The following LRP2 variants were observed in gnomAD, a reference collection of about 807,000 sequenced individuals.
The protein encoded by LRP2 is LDL receptor related protein 2.
LRP2 carries 172 observed loss-of-function variants against 531.0 expected under a neutral mutation model. The observed-to-expected ratio is 0.32, with a 90% CI of 0.29 to 0.37. LRP2 has a LOEUF of 0.37. LRP2 is among the 10% of genes least tolerant of loss of function. The pLI is 1.00. For synonymous variants in LRP2, 1,992 were observed against 2,027.6 expected (o/e 0.98, Z 0.47); for missense variants, 5,167 against 5,868.3 (o/e 0.88, Z 3.90).
In LRP2 at chr2:169,173,968, A is replaced by G. The variant is rs1687094360; in HGVS notation, c.10965T>C (p.Asp3655=). The G allele has an allele frequency of 1.2e-6, 2 of 1,614,170 alleles. No homozygotes were observed. Among genetic ancestry groups the G allele is most frequent in the Middle Eastern group, 1.6e-4 (1 of 6,062 alleles). The change falls in exon 56 of 79, where the codon GAT becomes GAC. Residue 3655 remains aspartate, a synonymous_variant. Transcript: ENST00000649046. The part of the protein sequence containing the change: ...GRCIPQAWKC[D]VDNDCGDHSD... ...AGTGGTCTCCACAATCATTATCCACATCACACTTCCAGGCCTGCGGGATGC... is the reference window on the plus strand; with the variant it reads ...AGTGGTCTCCACAATCATTATCCACGTCACACTTCCAGGCCTGCGGGATGC...
intron 63 of LRP2, among the ~76,000 whole-genome samples, chr2:169,160,221 C>G (rs949451147): frequency 6.6e-6 from 1 of 152,072 alleles, no homozygotes; most frequent in Admixed American, 6.6e-5. Flanking sequence ...AGAAAAAATG[C>G]TAATGTATTT....
At position 169,193,840 on chromosome 2, in the gene LRP2, C is replaced by T; in HGVS notation, c.8751G>A (p.Arg2917=). ...CACAGATCCATTCGCTTGGGATGCA[C>T]CTCCCACCATCACACTTGAACTCAT... ...LADEFKCDGG[R]CIPSEWICDG... Residue 2917 remains arginine, a synonymous_variant, in exon 47 of 79, where the codon AGG becomes AGA. Transcript: ENST00000649046. The T allele has an allele frequency of 6.2e-7, 1 of 1,614,162 alleles. No homozygotes were observed. Among genetic ancestry groups the T allele is most frequent in the Non-Finnish European group, 8.5e-7 (1 of 1,180,012 alleles).
chr2:169,320,854 C>T lies in LRP2; in HGVS notation c.110G>A (p.Ser37Asn). Reference protein sequence around the residue: ...ECDSAHFRCGSGHCIPADWRC... With the variant: ...ECDSAHFRCGNGHCIPADWRC... ...CCAGTCTGCAGGGATGCAATGCCCACTTCCACAGCGAAAATGCGCACTGTC... is the reference window on the plus strand; with the variant it reads ...CCAGTCTGCAGGGATGCAATGCCCATTTCCACAGCGAAAATGCGCACTGTC... The change falls in exon 2 of 79, where the codon AGT becomes AAT. Residue 37 changes from serine (S) to asparagine (N), a missense_variant. Ser to Asn is a conservative substitution (Grantham distance 46). Around this residue, in one of 6 missense-constraint regions of LRP2, gnomAD observed 2,811 missense variants for 3,058.0 expected, o/e 0.92. Coordinates refer to ENST00000649046, the MANE Select transcript of LRP2 (RefSeq NM_004525.3). The T allele has an allele frequency of 6.2e-7, 1 of 1,614,116 alleles. No individual in the cohort carries two copies. Among genetic ancestry groups the T allele is most frequent in the East Asian group, 2.2e-5 (1 of 44,892 alleles).
At chr2:169,261,881 A>T (rs1286503397) in intron 16 of LRP2, among the ~76,000 whole-genome samples, 1 of 151,838 alleles carries the variant, frequency 6.6e-6, no homozygotes, top group Non-Finnish European at 1.5e-5. Flanking sequence ...CAGCACATCA[A>T]AAAGCTTATC....
rs536255199 is a variant in LRP2 at position 169,154,356 on chromosome 2, G to C, written c.12295+104C>G. 6.2e-5 allele frequency: 68 copies of C among 1,091,576 alleles called. 2 individuals carry two copies. In the South Asian group the frequency reaches 8.9e-4, roughly 14 times the overall value. 67.6% of individuals were successfully genotyped at this position (1,091,576 alleles called of 1,614,324 possible). A position where few individuals can be genotyped will look rare whatever the true frequency, so the allele number is the denominator to read the frequency against. The stretch of plus-strand genomic sequence containing the variant: ...TGGAAGAGTTTCCTCCTCCACTAAT[G>C]CAACAAAATTCACTCATTAAACAAT... On this transcript the variant is annotated intron_variant, in intron 66 of 78. Transcript: ENST00000649046.
intron 16 of LRP2, among the ~76,000 whole-genome samples, chr2:169,259,785 GCTTT>G (rs1690472322): frequency 6.6e-6 from 1 of 151,178 alleles, no homozygotes; most frequent in Non-Finnish European, 1.5e-5. Flanking sequence ...GAGTTATTAT[GCTTT>G]CTTTTACCCT....
chr2:169,305,367 A>G (rs963026572), intron 4 of LRP2, among the ~76,000 whole-genome samples: 1 of 152,226 alleles, frequency 6.6e-6, no homozygotes, highest in African/African-American at 2.4e-5. Context: ...TGCCATAATC[A>G]ATGTATGTTA....
chr2:169,224,725 C>T (rs11902433), intron 33 of LRP2, among the ~76,000 whole-genome samples: 76,854 of 152,038 alleles, frequency 0.51, 20,968 homozygotes, highest in African/African-American at 0.72. Flanking sequence ...TTACCTAAAA[C>T]ACTTTTATAG....
chr2:169,175,985 A>G (rs188850753), intron 54 of LRP2, among the ~76,000 whole-genome samples: 191 of 152,344 alleles, frequency 1.3e-3, no homozygotes, highest in Non-Finnish European at 2.3e-3. Context: ...AGCAAACACA[A>G]ATGATCAAAA....
chr2:169,209,014 A>G (rs899397873), intron 38 of LRP2, among the ~76,000 whole-genome samples: 6 of 152,218 alleles, frequency 3.9e-5, no homozygotes, highest in Non-Finnish European at 8.8e-5. Flanking sequence ...ATTTTTATAT[A>G]TGAATAAAAG....
intron 1 of LRP2, among the ~76,000 whole-genome samples, chr2:169,361,377 C>CCCT (rs1686154400): frequency 1.9e-5 from 1 of 52,296 alleles, no homozygotes; most frequent in African/African-American, 1.1e-4. Context: ...TCTCTCTCTC[C>CCCT]CTCTCTCTCT....
chr2:169,216,037 C>G (rs1461329210), intron 35 of LRP2, among the ~76,000 whole-genome samples: 1 of 151,726 alleles, frequency 6.6e-6, no homozygotes, highest in African/African-American at 2.4e-5. Flanking sequence ...TAAACATTAC[C>G]CTATAGGGAA....
At chr2:169,173,883 C>T in intron 56 of LRP2, 36 bp downstream of exon 56, 1 of 1,613,404 alleles carries the variant, frequency 6.2e-7, no homozygotes, top group Non-Finnish European at 8.5e-7. Flanking sequence ...TGTCTCCCTG[C>T]TCTGGTCATG....
At chr2:169,307,981 G>A (rs1684473595) in intron 3 of LRP2, among the ~76,000 whole-genome samples, 1 of 152,108 alleles carries the variant, frequency 6.6e-6, no homozygotes, top group African/African-American at 2.4e-5. Flanking sequence ...TTTGCCTCCG[G>A]ATAAAACAGA....
In LRP2 at chr2:169,236,054, A is replaced by T; in HGVS notation, c.4706T>A (p.Phe1569Tyr). 1 of 1,613,754 alleles carries T rather than the reference A, an allele frequency of 6.2e-7. No homozygotes were observed. Among genetic ancestry groups the T allele is most frequent in the Non-Finnish European group, 8.5e-7 (1 of 1,179,756 alleles). Residue 1569 changes from phenylalanine to tyrosine, a missense_variant, in exon 29 of 79, where the codon TTC (phenylalanine) becomes TAC (tyrosine). Physicochemically the swap from Phe to Tyr is conservative, Grantham distance 22. Coordinates refer to ENST00000649046, the MANE Select transcript of LRP2 (RefSeq NM_004525.3). ...AGGGTGGTGGCCCCAGTCAGACCAG[A>T]ACAGTAGATGCTCACTGGGAAAGGA... is the stretch of plus-strand genomic sequence containing the variant. Reference protein sequence around the residue: ...LDPRMNEHLLFWSDWGHHPRI... With the variant: ...LDPRMNEHLLYWSDWGHHPRI...
intron 29 of LRP2, among the ~76,000 whole-genome samples, chr2:169,234,164 T>C (rs1405088223): frequency 6.6e-6 from 1 of 152,220 alleles, no homozygotes; most frequent in Non-Finnish European, 1.5e-5. Context: ...AGTTCTGGGA[T>C]ACATGTGCAG....
intron 7 of LRP2, among the ~76,000 whole-genome samples, chr2:169,291,676 C>T (rs1232147090): frequency 6.9e-6 from 1 of 144,878 alleles, no homozygotes; most frequent in Admixed American, 7.1e-5. Flanking sequence ...TCTTTAAGCA[C>T]TTCCCTGGAT....
Position 169,246,938 on chromosome 2 carries a change from T to C in LRP2, c.2957A>G (p.His986Arg). The change falls in exon 21 of 79, where the codon CAC becomes CGC. Residue 986 changes from histidine (H) to arginine (R), a missense_variant. Physicochemically the swap from His to Arg is conservative, Grantham distance 29. Coordinates refer to ENST00000649046, the MANE Select transcript of LRP2 (RefSeq NM_004525.3). Reference protein sequence around the residue: ...QPTHPNGDCSHFCFPVPNFQR... With the variant: ...QPTHPNGDCSRFCFPVPNFQR... ...GAAATTTGGCACCGGGAAGCAGAAG[T>C]GGCTGCAGTCACCGTTAGGATGCGT... The C allele has an allele frequency of 2.5e-6, 4 of 1,614,176 alleles. No homozygotes were observed. The highest frequency in any genetic ancestry group is 2.5e-6 in the Non-Finnish European group (3 of 1,180,040).
At chr2:169,178,628 G>A (rs1687306295) in intron 52 of LRP2, among the ~76,000 whole-genome samples, 1 of 152,140 alleles carries the variant, frequency 6.6e-6, no homozygotes, top group South Asian at 2.1e-4. Flanking sequence ...TACTTTTACA[G>A]ATGAATAAAC....
Sources: gnomAD v4.1 joint callset for allele counts (sites outside exome capture counted in the v4.1 genomes callset) on GRCh38, gnomAD v4.1.1 for gene constraint, gnomAD v4.1.1 regional missense constraint, MANE v1.5 for transcripts, NCBI Gene and HGNC (gene_info 2026-07-23, HGNC 2026-07-21) for gene names.